The following ABCA1 variants were observed in gnomAD, a reference collection of about 807,000 sequenced individuals.
The protein encoded by ABCA1 is ATP binding cassette subfamily A member 1.
ABCA1 carries 133 observed loss-of-function variants against 262.5 expected under a neutral mutation model. The ratio of observed to expected loss-of-function variants is 0.51; its 90% CI spans 0.44 to 0.59. The LOEUF (loss-of-function observed/expected upper bound fraction) is 0.59, where lower values mean the gene tolerates loss of function less well. Ranked by LOEUF, ABCA1 falls within the 20% of genes least tolerant of loss-of-function variation. The pLI is 0.00. For missense variants in ABCA1, 2,452 were observed against 2,777.5 expected (o/e 0.88, Z 2.63); for synonymous variants, 1,022 against 1,043.5 (o/e 0.98, Z 0.40).
chr9:104,816,053 A>G lies in ABCA1; in HGVS notation c.3738+90T>C, dbSNP rs141394609. On this transcript the variant is annotated intron_variant, in intron 25 of 49. Transcript: ENST00000374736. ...ACCTAAAAACTCAATGACTAACTCCATGATAATCCTGCTCCCAATGCAGGC... is the reference window on the plus strand; with the variant it reads ...ACCTAAAAACTCAATGACTAACTCCGTGATAATCCTGCTCCCAATGCAGGC... The G allele has an allele frequency of 3.1e-4, 437 of 1,415,874 alleles. 1 individual carries two copies. In the African/African-American group the frequency reaches 5.8e-3, roughly 19 times the overall value. 87.7% of individuals were successfully genotyped at this position (1,415,874 alleles called of 1,614,324 possible).
intron 2 of ABCA1, among the ~76,000 whole-genome samples, chr9:104,893,003 G>GA (rs1256920993): frequency 1.3e-5 from 2 of 152,234 alleles, no homozygotes; most frequent in East Asian, 3.9e-4. Flanking sequence ...AATATTAAGT[G>GA]AAAAAAGCAG....
rs34544647 is a variant in ABCA1, at chr9:104,893,421, C to CAAAAAAAAAAA, written c.67-4237_67-4227dup. ...TGGGCAACAGAGTGAGACTTCACCTCAAAAAAAAAAAAAAAAAAAAAAAAA... is the reference window on the plus strand; with the variant it reads ...TGGGCAACAGAGTGAGACTTCACCTCAAAAAAAAAAAAAAAAAAAAAAAAAAAAAAAAAAAA... On this transcript the variant is annotated intron_variant, in intron 2 of 49. Transcript: ENST00000374736. Among the ~76,000 whole-genome samples the CAAAAAAAAAAA allele has an allele frequency of 7.1e-4, 25 of 35,254 alleles. 1 individual carries two copies. Among genetic ancestry groups the CAAAAAAAAAAA allele is most frequent in the African/African-American group, 1.7e-3 (18 of 10,768 alleles). 23.1% of individuals were successfully genotyped at this position (35,254 alleles called of 152,430 possible). A position where few individuals can be genotyped will look rare whatever the true frequency, so the allele number is the denominator to read the frequency against.
chr9:104,884,451 A>G lies in ABCA1; in HGVS notation c.278T>C (p.Val93Ala). 2 of 1,614,130 alleles carry G rather than the reference A, an allele frequency of 1.2e-6. No homozygotes were observed. The highest frequency in any genetic ancestry group is 1.7e-6 in the Non-Finnish European group (2 of 1,180,010). ...RYPTPGEAPG[V>A]VGNFNKSIVA... ...CATGGATTTGTTAAAGTTTCCAACA[A>G]CTCCGGGAGCCTCCCCAGGAGTCGG... Residue 93 changes from valine (V) to alanine (A), a missense_variant, in exon 4 of 50, where the codon GTT becomes GCT. Val to Ala is a moderately conservative substitution (Grantham distance 64). This residue lies in a region of ABCA1 where 1,032 missense variants were observed against 1,089.7 expected (regional missense o/e 0.95). Coordinates refer to ENST00000374736, the MANE Select transcript of ABCA1 (RefSeq NM_005502.4).
In ABCA1 at chr9:104,818,844, G is replaced by A. The variant is rs1211257538; in HGVS notation, c.3281C>T (p.Ala1094Val). Residue 1094 changes from alanine (A) to valine (V), a missense_variant, in exon 23 of 50, where the codon GCG (alanine) becomes GTG (valine). By Grantham distance (64) the Ala-to-Val change is moderately conservative. Coordinates refer to ENST00000374736, the MANE Select transcript of ABCA1 (RefSeq NM_005502.4). Reference sequence around the variant, plus strand: ...GGCAATCCTGTCCCCCAGGACGTCCGCTTCATCCATGTGGTGTGTAGAGAG... The same window carrying A: ...GGCAATCCTGTCCCCCAGGACGTCCACTTCATCCATGTGGTGTGTAGAGAG... ...IILSTHHMDE[A>V]DVLGDRIAII... 2.5e-6 allele frequency: 4 copies of A among 1,613,774 alleles called. No individual in the cohort carries two copies. Among genetic ancestry groups the A allele is most frequent in the Admixed American group, 1.7e-5 (1 of 59,996 alleles).
intron 1 of ABCA1, among the ~76,000 whole-genome samples, chr9:104,925,118 C>T (rs1395232780): frequency 6.6e-6 from 1 of 152,140 alleles, no homozygotes; most frequent in Non-Finnish European, 1.5e-5. Flanking sequence ...GTGCCTCACG[C>T]CTGTAATCCC....
chr9:104,795,067 T>G (rs1829780499), intron 39 of ABCA1, among the ~76,000 whole-genome samples: 1 of 152,158 alleles, frequency 6.6e-6, no homozygotes, highest in South Asian at 2.1e-4. Context: ...GAAATTACCA[T>G]GTAAGTGGAT....
At chr9:104,917,000 A>G (rs988079724) in intron 1 of ABCA1, among the ~76,000 whole-genome samples, 13 of 152,138 alleles carry the variant, frequency 8.5e-5, no homozygotes, top group African/African-American at 3.1e-4. Flanking sequence ...ATATGTTGCT[A>G]TTTTCTCCCA....
chr9:104,882,267 C>T (rs999533214), intron 5 of ABCA1, among the ~76,000 whole-genome samples: 6 of 152,128 alleles, frequency 3.9e-5, no homozygotes, highest in East Asian at 1.9e-4. Context: ...TTAGAACCAC[C>T]GGCGCATGAT....
At position 104,803,184 on chromosome 9, in the gene ABCA1, T is replaced by A. The variant is rs925937132; in HGVS notation, c.4592+100A>T. On this transcript the variant is annotated intron_variant, in intron 33 of 49. Coordinates refer to ENST00000374736, the MANE Select transcript of ABCA1 (RefSeq NM_005502.4). The stretch of plus-strand genomic sequence containing the variant: ...CTCACAGTGAGATGGCACCCACAAG[T>A]GTGTGAGTGACAAACAATCCCCAAG... The A allele has an allele frequency of 2.6e-5, 34 of 1,294,398 alleles. No individual in the cohort carries two copies. The African/African-American group carries it at 4.2e-4, about 16-fold the overall frequency. The allele number at this position is 1,294,398 out of a possible 1,614,324, so 80.2% of individuals were successfully genotyped here.
At chr9:104,816,044 A>T (rs151116728) in intron 25 of ABCA1, 99 bp downstream of exon 25, 416 of 1,346,058 alleles carry the variant, frequency 3.1e-4, no homozygotes, top group Non-Finnish European at 4.2e-4. Context: ...AAACTCAATG[A>T]CTAACTCCAT....
chr9:104,892,235 CAA>C (rs1264600797), intron 2 of ABCA1, among the ~76,000 whole-genome samples: 1 of 151,788 alleles, frequency 6.6e-6, no homozygotes, highest in African/African-American at 2.4e-5. Context: ...TAAATAATCC[CAA>C]AGAGGCAACA....
chr9:104,804,579 T>C (rs1830607975), intron 32 of ABCA1, 47 bp downstream of exon 32: 2 of 1,438,228 alleles, frequency 1.4e-6, no homozygotes. Context: ...CTTTAATTCC[T>C]CTAATTAGTA....
chr9:104,907,065 G>C lies in ABCA1; in HGVS notation c.-92-3294C>G, dbSNP rs576427228. ...CCTCAGCACCTGAACATAGAGTCCA[G>C]TGCTCACCAAGGTCTACCTGGCCTC... On this transcript the variant is annotated intron_variant, in intron 1 of 49. Transcript: ENST00000374736. Among the ~76,000 whole-genome samples the C allele has an allele frequency of 1.2e-3, 178 of 152,262 alleles. 1 individual carries two copies. The highest frequency in any genetic ancestry group is 4.1e-3 in the African/African-American group (171 of 41,536).
intron 5 of ABCA1, among the ~76,000 whole-genome samples, chr9:104,873,031 C>T (rs1173247900): frequency 6.6e-6 from 1 of 152,052 alleles, no homozygotes; most frequent in African/African-American, 2.4e-5. Flanking sequence ...TGGGCCCAGG[C>T]CCTTGCCCTG....
chr9:104,887,048 C>T (rs576087627), intron 3 of ABCA1, among the ~76,000 whole-genome samples: 9 of 152,304 alleles, frequency 5.9e-5, no homozygotes, highest in Non-Finnish European at 8.8e-5. Flanking sequence ...GAGGCTGAGG[C>T]GGGCGAATCA....
intron 6 of ABCA1, 117 bp from the exon 7 acceptor site, chr9:104,858,815 A>G: frequency 9.7e-7 from 1 of 1,035,376 alleles, no homozygotes; most frequent in South Asian, 1.3e-5. Context: ...ATCTTAAAAC[A>G]GGTTCCATTG....
rs56710442 is a variant in ABCA1 at position 104,896,711 on chromosome 9, C to CTTTTTTTTTT, written c.66+6893_66+6902dup. Among the ~76,000 whole-genome samples the CTTTTTTTTTT allele has an allele frequency of 6.5e-4, 24 of 37,010 alleles. 5 individuals carry two copies. Among genetic ancestry groups the CTTTTTTTTTT allele is most frequent in the African/African-American group, 2.0e-3 (19 of 9,462 alleles). 24.3% of individuals were successfully genotyped at this position (37,010 alleles called of 152,430 possible). ...AACTCCAAAATTGCTCCCTACACAT[C>CTTTTTTTTTT]TTTTTTTTTTTTTTTTTTTTTTTTT... On this transcript the variant is annotated intron_variant, in intron 2 of 49. Coordinates refer to ENST00000374736, the MANE Select transcript of ABCA1 (RefSeq NM_005502.4).
At position 104,791,938 on chromosome 9, in the gene ABCA1, C is replaced by T. The variant is rs1320596855; in HGVS notation, c.5818G>A (p.Glu1940Lys). Reference sequence around the variant, plus strand: ...CAATATAGACAAAGTGTCTTTACCTCACCAGGAGGAATGCCCACGCAAATC... The same window carrying T: ...CAATATAGACAAAGTGTCTTTACCTTACCAGGAGGAATGCCCACGCAAATC... ...DRICVGIPPG[E>K]CFGLLGVNGA... is the part of the protein sequence containing the mutation. Residue 1940 changes from glutamate to lysine, a missense_variant and splice_region_variant, in exon 43 of 50, where the codon GAG becomes AAG. Glu to Lys is a moderately conservative substitution (Grantham distance 56, BLOSUM62 1). This residue lies in a region of ABCA1 where 752 missense variants were observed against 944.5 expected (regional missense o/e 0.80). Coordinates refer to ENST00000374736, the MANE Select transcript of ABCA1 (RefSeq NM_005502.4). 1 of 1,613,326 alleles carries T rather than the reference C, an allele frequency of 6.2e-7. No homozygotes were observed. Among genetic ancestry groups the T allele is most frequent in the Non-Finnish European group, 8.5e-7 (1 of 1,179,664 alleles).
chr9:104,870,380 G>A (rs114163629), intron 5 of ABCA1, among the ~76,000 whole-genome samples: 5,101 of 152,242 alleles, frequency 0.034, 290 homozygotes, highest in African/African-American at 0.12. Flanking sequence ...CCAGAGGGTC[G>A]GGTGAGCAGA....
Sources: gnomAD v4.1 joint callset for allele counts (sites outside exome capture counted in the v4.1 genomes callset) on GRCh38, gnomAD v4.1.1 for gene constraint, gnomAD v4.1.1 regional missense constraint, MANE v1.5 for transcripts, NCBI Gene and HGNC (gene_info 2026-07-23, HGNC 2026-07-21) for gene names.